The following EPHA6 variants were observed in gnomAD, a reference collection of about 807,000 sequenced individuals.
The protein encoded by EPHA6 is ephrin type-A receptor 6.
EPHA6 carries 50 observed loss-of-function variants against 112.0 expected under a neutral mutation model. That is an observed-to-expected ratio of 0.45 (90% CI 0.36 to 0.56). EPHA6 has a LOEUF of 0.56. Ranked by LOEUF, EPHA6 falls within the 20% of genes least tolerant of loss-of-function variation. The pLI is 0.00. For synonymous variants in EPHA6, 529 were observed against 490.7 expected (o/e 1.08, Z -1.03); for missense variants, 1,280 against 1,417.4 (o/e 0.90, Z 1.56).
At position 97,592,725 on chromosome 3, in the gene EPHA6, A is replaced by C; in HGVS notation, c.2500A>C (p.Arg834=). 1 of 1,595,746 alleles carries C rather than the reference A, an allele frequency of 6.3e-7. No individual in the cohort carries two copies. Among genetic ancestry groups the C allele is most frequent in the Non-Finnish European group, 8.5e-7 (1 of 1,173,920 alleles). The stretch of plus-strand genomic sequence containing the variant: ...GCCAGGGGGAGGATCTTTGCCCCCC[A>C]GGATTCCTGCTGGTAGGTATTTCAG... The part of the protein sequence containing the change: ...PVPGGGSLPP[R]IPAGRPVMIV... The change falls in exon 12 of 18, where the codon AGG becomes CGG. Residue 834 remains arginine, a synonymous_variant. Transcript: ENST00000389672.
intron 5 of EPHA6, among the ~76,000 whole-genome samples, chr3:97,322,224 CTATT>C (rs558916699): frequency 4.6e-5 from 7 of 151,984 alleles, no homozygotes; most frequent in South Asian, 2.1e-4. Flanking sequence ...TTTTGCTTGA[CTATT>C]TGTTTTTTAA....
intron 11 of EPHA6, among the ~76,000 whole-genome samples, chr3:97,536,635 A>G (rs1034489553): frequency 1.3e-5 from 2 of 152,212 alleles, no homozygotes; most frequent in African/African-American, 2.4e-5. Flanking sequence ...GTGGGTCCAC[A>G]TGGGATCTGG....
At chr3:96,898,247 G>A (rs888244254) in intron 2 of EPHA6, among the ~76,000 whole-genome samples, 11 of 152,116 alleles carry the variant, frequency 7.2e-5, no homozygotes, top group African/African-American at 2.2e-4. Context: ...AAATATTAAA[G>A]CAGTGAACTC....
At chr3:97,324,527 T>TTCTC (rs371701063) in intron 5 of EPHA6, among the ~76,000 whole-genome samples, 3,533 of 141,998 alleles carry the variant, frequency 0.025, 209 homozygotes, top group African/African-American at 0.08. Flanking sequence ...CTTTCTTTCT[T>TTCTC]TCTTTCTCTC....
In EPHA6 at chr3:97,034,927, T is replaced by C. The variant is rs568731227; in HGVS notation, c.1114+46934T>C. Among the ~76,000 whole-genome samples, 146 of 152,114 alleles carry C rather than the reference T, an allele frequency of 9.6e-4. 1 individual carries two copies. Among genetic ancestry groups the C allele is most frequent in the African/African-American group, 3.3e-3 (138 of 41,540 alleles). On this transcript the variant is annotated intron_variant, in intron 3 of 17. Coordinates refer to ENST00000389672, the MANE Select transcript of EPHA6 (RefSeq NM_001080448.3). ...CTTCCTTTATCATTATACTGTTTGG[T>C]AAAAATTCTTTTGAAAGAAATAAAA...
At chr3:97,273,497 C>A (rs1559843834) in intron 5 of EPHA6, among the ~76,000 whole-genome samples, 1 of 152,130 alleles carries the variant, frequency 6.6e-6, no homozygotes. Flanking sequence ...AAAGGAGCAT[C>A]CATACAGGAG....
chr3:97,177,699 A>G (rs2076875270), intron 3 of EPHA6, among the ~76,000 whole-genome samples: 2 of 151,904 alleles, frequency 1.3e-5, no homozygotes, highest in Non-Finnish European at 2.9e-5. Context: ...TTATCATCAT[A>G]TAGGGACTCT....
At chr3:96,897,211 A>ACAC (rs1559810632) in intron 2 of EPHA6, among the ~76,000 whole-genome samples, 2,499 of 143,418 alleles carry the variant, frequency 0.017, 75 homozygotes, top group African/African-American at 0.059. Context: ...TGTATATACA[A>ACAC]ACACACACAC....
chr3:96,906,844 G>A (rs2038960485), intron 2 of EPHA6, among the ~76,000 whole-genome samples: 1 of 151,952 alleles, frequency 6.6e-6, no homozygotes, highest in Admixed American at 6.6e-5. Context: ...CAGACCAAGG[G>A]AAGAGGGGAA....
intron 13 of EPHA6, among the ~76,000 whole-genome samples, chr3:97,628,754 A>G (rs1272082743): frequency 6.6e-6 from 1 of 151,986 alleles, no homozygotes; most frequent in African/African-American, 2.4e-5. Flanking sequence ...ATGGCATTTC[A>G]CCTTATACTA....
At chr3:97,096,187 A>G (rs573910502) in intron 3 of EPHA6, among the ~76,000 whole-genome samples, 2 of 151,898 alleles carry the variant, frequency 1.3e-5, no homozygotes, top group African/African-American at 4.8e-5. Flanking sequence ...TATGGAGGAA[A>G]ATGTATTTGC....
At chr3:97,457,306 A>G (rs1428402965) in intron 7 of EPHA6, among the ~76,000 whole-genome samples, 1 of 152,210 alleles carries the variant, frequency 6.6e-6, no homozygotes, top group African/African-American at 2.4e-5. Flanking sequence ...GGGAAAGGGT[A>G]GAAACACATG....
chr3:97,289,524 CTT>C (rs2080603502), intron 5 of EPHA6, among the ~76,000 whole-genome samples: 1 of 152,046 alleles, frequency 6.6e-6, no homozygotes, highest in Non-Finnish European at 1.5e-5. Context: ...ATGCTTCTGG[CTT>C]TGTTCTTTTT....
chr3:97,745,129 T>A (rs1484674507), intron 16 of EPHA6, among the ~76,000 whole-genome samples: 1 of 151,998 alleles, frequency 6.6e-6, no homozygotes, highest in East Asian at 1.9e-4. Context: ...ACAATGCACA[T>A]TAGAGCAGTG....
At chr3:97,087,723 T>C (rs1273870768) in intron 3 of EPHA6, among the ~76,000 whole-genome samples, 1 of 152,162 alleles carries the variant, frequency 6.6e-6, no homozygotes, top group Non-Finnish European at 1.5e-5. Flanking sequence ...ACTACTTTCC[T>C]CTGTCCATTC....
At chr3:97,217,793 G>A (rs979080565) in intron 3 of EPHA6, among the ~76,000 whole-genome samples, 7 of 152,096 alleles carry the variant, frequency 4.6e-5, no homozygotes, top group African/African-American at 1.7e-4. Context: ...AGCAGTGGAA[G>A]GTGATTTTGG....
chr3:96,892,129 T>G (rs1018902219), intron 2 of EPHA6, among the ~76,000 whole-genome samples: 23 of 152,356 alleles, frequency 1.5e-4, no homozygotes, highest in Middle Eastern at 3.4e-3. Flanking sequence ...AGCCATTGAC[T>G]TCATATAGAG....
intron 3 of EPHA6, among the ~76,000 whole-genome samples, chr3:97,115,911 T>C (rs1258860736): frequency 6.6e-6 from 1 of 151,802 alleles, no homozygotes; most frequent in African/African-American, 2.4e-5. Context: ...CACCCTTATA[T>C]TGCCTAACTG....
At chr3:97,032,089 C>T (rs2044874587) in intron 3 of EPHA6, among the ~76,000 whole-genome samples, 1 of 152,062 alleles carries the variant, frequency 6.6e-6, no homozygotes, top group African/African-American at 2.4e-5. Context: ...AAATGTGGCA[C>T]ATATACACCA....
Sources: allele counts gnomAD v4.1 joint callset (sites outside exome capture counted in the v4.1 genomes callset), GRCh38; gene constraint gnomAD v4.1.1; transcripts MANE v1.5; gene names NCBI Gene and HGNC (gene_info 2026-07-23, HGNC 2026-07-21).